The following TJP2 variants were observed in gnomAD, a reference collection of about 807,000 sequenced individuals.
TJP2 encodes the protein tight junction protein 2.
TJP2 carries 91 observed loss-of-function variants against 133.1 expected under a neutral mutation model. The observed-to-expected ratio is 0.68, with a 90% CI of 0.58 to 0.81. The LOEUF is 0.81. Among genes scored for constraint, TJP2 ranks in the 40% least tolerant of loss-of-function variants. The probability of loss-of-function intolerance (pLI) is 0.00; values close to 1 mark genes in which losing one functional copy is unlikely to be tolerated. For synonymous variants in TJP2, 592 were observed against 583.4 expected, an observed-to-expected ratio of 1.01 and a Z score of -0.21; for missense variants, 1,541 against 1,565.6, an observed-to-expected ratio of 0.98 and a Z score of 0.26.
At chr9:69,196,946 T>TATACACAC (rs1554778025) in intron 1 of TJP2, among the ~76,000 whole-genome samples, 1 of 134,170 alleles carries the variant, frequency 7.5e-6, no homozygotes, top group African/African-American at 2.7e-5. Context: ...TGTGTGTGTG[T>TATACACAC]ACACACACAC....
chr9:69,253,060 G>C, intron 22 of TJP2, 160 bp downstream of exon 22: 1 of 679,200 alleles, frequency 1.5e-6, no homozygotes, highest in South Asian at 1.9e-5. Flanking sequence ...TAATTGTAAA[G>C]ATTACAGAGT....
chr9:69,232,970 CT>C (rs1239328143), intron 11 of TJP2, among the ~76,000 whole-genome samples: 1 of 152,198 alleles, frequency 6.6e-6, no homozygotes, highest in Admixed American at 6.5e-5. Flanking sequence ...CTCCCACAGC[CT>C]TGTGGCCCTG....
At chr9:69,183,738 TA>T (rs950274974) in intron 1 of TJP2, among the ~76,000 whole-genome samples, 3 of 152,160 alleles carry the variant, frequency 2.0e-5, no homozygotes, top group East Asian at 1.9e-4. Context: ...TATTTTAGAT[TA>T]AAAAAAATAT....
Position 69,123,331 on chromosome 9 carries a change from G to A in TJP2, c.-131+1606G>A, listed in dbSNP as rs192906478. Among the ~76,000 whole-genome samples, 246 of 75,966 alleles carry A rather than the reference G, an allele frequency of 3.2e-3. 88 individuals are homozygous for A. The highest frequency in any genetic ancestry group is 9.7e-3 in the African/African-American group (241 of 24,850). 49.8% of individuals were successfully genotyped at this position (75,966 alleles called of 152,430 possible). On this transcript the variant is annotated intron_variant, in intron 1 of 5. Transcript: ENST00000423935. The stretch of plus-strand genomic sequence containing the variant: ...ACATAAAGTAAAATGTAGTATTTTA[G>A]CCGTTTAAAAATGGACCCTTAATTC...
chr9:69,164,835 T>C (rs1411693151), intron 2 of TJP2, among the ~76,000 whole-genome samples: 1 of 152,096 alleles, frequency 6.6e-6, no homozygotes, highest in East Asian at 1.9e-4. Context: ...CCTGGATTTT[T>C]TTTCTTTTTT....
chr9:69,221,239 CCCGGGA>C lies in TJP2; in HGVS notation c.705_710del (p.Asp238_Arg239del). The C allele has an allele frequency of 6.2e-7, 1 of 1,607,352 alleles. No homozygotes were observed. The highest frequency in any genetic ancestry group is 8.5e-7 in the Non-Finnish European group (1 of 1,177,302). On this transcript the variant is annotated inframe_deletion, in exon 5 of 23. Coordinates refer to ENST00000377245, the MANE Select transcript of TJP2 (RefSeq NM_004817.4). ...GGCCTGGACCACGACTTTGGGCCAT[CCCGGGA>C]CCGGGACCGTGACCGCAGCCGCGGC...
chr9:69,174,237 G>A (rs1824877257), upstream of TJP2: 1 of 1,500,958 alleles, frequency 6.7e-7, no homozygotes, highest in Non-Finnish European at 8.9e-7. Context: ...AAAGGGGTGG[G>A]TCCCCGCGGG....
chr9:69,223,153 C>T (rs1384934107), intron 5 of TJP2, among the ~76,000 whole-genome samples: 2 of 151,584 alleles, frequency 1.3e-5, no homozygotes, highest in East Asian at 3.9e-4. Flanking sequence ...GGCCTTGCTG[C>T]ATCTCAAGTG....
chr9:69,171,690 A>C (rs957154117), upstream of TJP2, among the ~76,000 whole-genome samples: 2 of 149,624 alleles, frequency 1.3e-5, no homozygotes, highest in African/African-American at 4.9e-5. Flanking sequence ...TTACTTGTTG[A>C]TTGTCTACTG....
At chr9:69,158,987 C>A (rs575508949) in intron 2 of TJP2, among the ~76,000 whole-genome samples, 1 of 151,752 alleles carries the variant, frequency 6.6e-6, no homozygotes, top group Non-Finnish European at 1.5e-5. Context: ...TCACCGCCCC[C>A]CCCCCATCAA....
rs570903536 is a variant in TJP2 at position 69,158,058 on chromosome 9, T to C, written c.-10+6287T>C. Among the ~76,000 whole-genome samples the C allele has an allele frequency of 2.0e-5, 3 of 151,608 alleles. No individual in the cohort carries two copies. The South Asian group carries it at 6.3e-4, about 32-fold the overall frequency. ...GGCCGGGTGCGGTGATTCACTCCTG[T>C]AATCCCAGCACTTTGGGAGGCTGAG... On this transcript the variant is annotated intron_variant, in intron 2 of 5. Transcript: ENST00000423935.
At chr9:69,205,201 G>T in intron 1 of TJP2, 1 of 1,537,274 alleles carries the variant, frequency 6.5e-7, no homozygotes, top group Non-Finnish European at 8.7e-7. Flanking sequence ...GTGGATCCAG[G>T]CTGTTAAAAA....
intron 1 of TJP2, among the ~76,000 whole-genome samples, chr9:69,138,129 T>G (rs1449350522): frequency 6.6e-6 from 1 of 152,202 alleles, no homozygotes; most frequent in African/African-American, 2.4e-5. Flanking sequence ...CAAGAGGCAT[T>G]ACCAGTTCTC....
intron 1 of TJP2, among the ~76,000 whole-genome samples, chr9:69,195,710 C>T (rs1185771590): frequency 6.6e-6 from 1 of 152,168 alleles, no homozygotes; most frequent in Non-Finnish European, 1.5e-5. Flanking sequence ...TTCACAAAGG[C>T]GTAGGCATTA....
In TJP2 at chr9:69,221,212, G is replaced by A. The variant is rs1199038888; in HGVS notation, c.668G>A (p.Arg223Gln). 6.9e-6 allele frequency: 11 copies of A among 1,603,658 alleles called. No homozygotes were observed. Among genetic ancestry groups the A allele is most frequent in the South Asian group, 3.3e-5 (3 of 89,692 alleles). The change falls in exon 5 of 23, where the codon CGG becomes CAG. Residue 223 changes from arginine (R) to glutamine (Q), a missense_variant. Arg to Gln is a conservative substitution (Grantham distance 43, BLOSUM62 1). Coordinates refer to ENST00000377245, the MANE Select transcript of TJP2 (RefSeq NM_004817.4). ...CGCAGCCGTGGCCGGAGCCTGGAGC[G>A]GGGCCTGGACCACGACTTTGGGCCA... is the stretch of plus-strand genomic sequence containing the variant. ...RDRSRGRSLE[R>Q]GLDHDFGPSR...
intron 1 of TJP2, among the ~76,000 whole-genome samples, chr9:69,202,266 C>T (rs759936423): frequency 3.3e-5 from 5 of 152,108 alleles, no homozygotes; most frequent in Non-Finnish European, 5.9e-5. Flanking sequence ...TCAGTCCCTC[C>T]AGCCCTTTTG....
At chr9:69,236,471 T>C (rs1409817770) in intron 13 of TJP2, among the ~76,000 whole-genome samples, 4 of 152,076 alleles carry the variant, frequency 2.6e-5, no homozygotes, top group South Asian at 4.1e-4. Flanking sequence ...TTGAACAACT[T>C]CCTAAGGAGC....
At chr9:69,150,966 A>G (rs1564382751) in intron 1 of TJP2, among the ~76,000 whole-genome samples, 1 of 152,238 alleles carries the variant, frequency 6.6e-6, no homozygotes, top group Admixed American at 6.5e-5. Context: ...TATAACATCA[A>G]TGAACCCTGA....
intron 7 of TJP2, 128 bp from the exon 8 acceptor site, chr9:69,227,637 A>G: frequency 1.5e-6 from 1 of 679,876 alleles, no homozygotes; most frequent in East Asian, 2.7e-5. Context: ...TATTAGACTA[A>G]TAGCACATTT....
Sources: allele counts gnomAD v4.1 joint callset (sites outside exome capture counted in the v4.1 genomes callset), GRCh38; gene constraint gnomAD v4.1.1; transcripts MANE v1.5; gene names NCBI Gene and HGNC (gene_info 2026-07-23, HGNC 2026-07-21).